Variants in THUMPD2 observed in about 807,000 individuals in gnomAD.
THUMPD2 encodes the protein U6 snRNA (guanine-N(2))-methyltransferase THUMPD2.
A neutral mutation model predicts 49.4 loss-of-function variants in THUMPD2; 56 were observed. That is an observed-to-expected ratio of 1.13 (90% confidence interval 0.91 to 1.41). The LOEUF (loss-of-function observed/expected upper bound fraction) is 1.41, where lower values mean the gene tolerates loss of function less well. Ranked by LOEUF, THUMPD2 falls within the 40% of genes most tolerant of loss-of-function variation. The pLI, the probability that THUMPD2 is intolerant of heterozygous loss-of-function variation, is 0.00. For synonymous variants in THUMPD2, 237 were observed against 205.2 expected (o/e 1.15, Z -1.32); for missense variants, 709 against 594.5 (o/e 1.19, Z -2.00).
chr2:39,756,589 G>C (rs1038893972), intron 6 of THUMPD2, among the ~76,000 whole-genome samples: 5 of 152,126 alleles, frequency 3.3e-5, no homozygotes, highest in African/African-American at 1.2e-4. Flanking sequence ...CAAATGACTG[G>C]AGGGCCCCGT....
intron 6 of THUMPD2, among the ~76,000 whole-genome samples, chr2:39,756,522 T>A (rs917833216): frequency 6.6e-6 from 1 of 151,628 alleles, no homozygotes; most frequent in Non-Finnish European, 1.5e-5. Flanking sequence ...TCGAACTTTT[T>A]AAAATACAAG....
rs111299607 is a variant in THUMPD2 at position 39,737,931 on chromosome 2, G to A, written c.1188-872C>T. 3.8e-3 allele frequency among the ~76,000 whole-genome samples: 582 copies of A among 152,202 alleles called. 3 individuals are homozygous for A. The highest frequency in any genetic ancestry group is 0.013 in the African/African-American group (536 of 41,528). On this transcript the variant is annotated intron_variant, in intron 9 of 9. Coordinates refer to ENST00000505747, the MANE Select transcript of THUMPD2 (RefSeq NM_025264.5). ...GGTGGGAAGTGGAGGGAGGAGGGGA[G>A]TAAGGAGTTCAGCTTGGAACGTGCT... is the stretch of plus-strand genomic sequence containing the variant.
intron 1 of THUMPD2, 105 bp from the exon 2 acceptor site, chr2:39,771,745 C>G (rs1678347632): frequency 1.1e-5 from 13 of 1,179,838 alleles, no homozygotes; most frequent in African/African-American, 3.2e-5. Context: ...ATAACCATTT[C>G]TGAAGTATCT....
chr2:39,738,372 G>A (rs911678682), intron 9 of THUMPD2, among the ~76,000 whole-genome samples: 1 of 152,020 alleles, frequency 6.6e-6, no homozygotes, highest in Non-Finnish European at 1.5e-5. Context: ...AGACCAGCCT[G>A]GGCAACATGG....
Position 39,755,872 on chromosome 2 carries a change from C to A in THUMPD2, c.963+17G>T. 1 of 1,612,416 alleles carries A rather than the reference C, an allele frequency of 6.2e-7. No individual in the cohort carries two copies. The highest frequency in any genetic ancestry group is 1.1e-5 in the South Asian group (1 of 90,976). ...AAAGTAGATAAATTGCTTGCTTTAC[C>A]AAACTTTAGAACTTACTGGCCATTC... On this transcript the variant is annotated intron_variant, in intron 7 of 9. Coordinates refer to ENST00000505747, the MANE Select transcript of THUMPD2 (RefSeq NM_025264.5).
Position 39,744,350 on chromosome 2 carries a change from A to G in THUMPD2, c.1187+20T>C, listed in dbSNP as rs1487745081. The G allele has an allele frequency of 4.7e-6, 7 of 1,477,690 alleles. No individual in the cohort carries two copies. The African/African-American group carries it at 8.7e-5, about 18-fold the overall frequency. The allele number at this position is 1,477,690 out of a possible 1,614,324, so 91.5% of individuals were successfully genotyped here. A position where few individuals can be genotyped will look rare whatever the true frequency, so the allele number is the denominator to read the frequency against. ...TGCCCAGTAGCTAAAAAAATTATGA[A>G]AATAAATTCAACAACTTACCTTTCC... On this transcript the variant is annotated intron_variant, in intron 9 of 9. Transcript: ENST00000505747.
intron 8 of THUMPD2, among the ~76,000 whole-genome samples, chr2:39,748,334 G>A (rs907163144): frequency 4.6e-5 from 7 of 152,208 alleles, no homozygotes; most frequent in Non-Finnish European, 8.8e-5. Flanking sequence ...AAAGTGTACT[G>A]TTATGCAGAA....
chr2:39,761,275 T>C, intron 6 of THUMPD2, 56 bp downstream of exon 6: 3 of 1,466,584 alleles, frequency 2.0e-6, no homozygotes, highest in Non-Finnish European at 1.9e-6. Flanking sequence ...AGAGACTGTA[T>C]AAGTTAATTA....
At chr2:39,755,205 C>G (rs939075764) in intron 8 of THUMPD2, 90 bp downstream of exon 8, 39 of 876,248 alleles carry the variant, frequency 4.5e-5, no homozygotes, top group Non-Finnish European at 4.7e-5. Flanking sequence ...TAAAACCAAC[C>G]TTTACATAGT....
chr2:39,768,343 G>A, intron 4 of THUMPD2, 81 bp downstream of exon 4: 7 of 1,198,890 alleles, frequency 5.8e-6, no homozygotes, highest in South Asian at 2.6e-5. Context: ...AAAATAAAAC[G>A]GAAAAGTATG....
intron 1 of THUMPD2, among the ~76,000 whole-genome samples, chr2:39,772,445 G>T (rs568698161): frequency 1.3e-5 from 2 of 152,294 alleles, no homozygotes; most frequent in South Asian, 4.1e-4. Flanking sequence ...TGTGATGCTA[G>T]AGGGAGAAGT....
intron 2 of THUMPD2, among the ~76,000 whole-genome samples, chr2:39,770,570 A>G (rs1353481866): frequency 6.6e-6 from 1 of 152,164 alleles, no homozygotes; most frequent in African/African-American, 2.4e-5. Context: ...AGCCCACACC[A>G]TATTAATAAG....
At position 39,771,640 on chromosome 2, in the gene THUMPD2, C is replaced by A. The variant is rs780348126; in HGVS notation, c.127G>T (p.Val43Phe). 18 of 1,599,236 alleles carry A rather than the reference C, an allele frequency of 1.1e-5. No homozygotes were observed. The African/African-American group carries it at 1.9e-4, about 17-fold the overall frequency. ...AAAACCTTTCCTGAAATATATTCAA[C>A]CTAGAAATAGAAAAACAGCTTTTAA... ...EVRARLAATQ[V>F]EYISGKVFFT... The change falls in exon 2 of 10, where the codon GTT (valine) becomes TTT (phenylalanine). Residue 43 changes from valine (V) to phenylalanine (F), a missense_variant and splice_region_variant. Coordinates refer to ENST00000505747, the MANE Select transcript of THUMPD2 (RefSeq NM_025264.5).
intron 3 of THUMPD2, 167 bp from the exon 4 acceptor site, chr2:39,768,668 C>T: frequency 2.9e-6 from 2 of 701,538 alleles, no homozygotes; most frequent in Non-Finnish European, 4.7e-6. Flanking sequence ...CTATTCAAGG[C>T]AGTAAGGCTG....
In THUMPD2 at chr2:39,736,748, G is replaced by A; in HGVS notation, c.1499C>T (p.Ser500Phe). ...AFICKYKKSH[S>F]SGL ...GCAGCAAGCCTGCTACAGTCCAGAAGAGTGCGACTTCTTATATTTACATAT... is the reference window on the plus strand; with the variant it reads ...GCAGCAAGCCTGCTACAGTCCAGAAAAGTGCGACTTCTTATATTTACATAT... The change falls in exon 10 of 10, where the codon TCT becomes TTT. Residue 500 changes from serine to phenylalanine, a missense_variant. Physicochemically the swap from Ser to Phe is radical, Grantham distance 155. Coordinates refer to ENST00000505747, the MANE Select transcript of THUMPD2 (RefSeq NM_025264.5). The A allele has an allele frequency of 6.2e-7, 1 of 1,613,720 alleles. No individual in the cohort carries two copies. The highest frequency in any genetic ancestry group is 8.5e-7 in the Non-Finnish European group (1 of 1,179,794).
At chr2:39,758,881 C>T (rs1238764452) in intron 6 of THUMPD2, among the ~76,000 whole-genome samples, 1 of 151,228 alleles carries the variant, frequency 6.6e-6, no homozygotes, top group Non-Finnish European at 1.5e-5. Flanking sequence ...TTACTAATTA[C>T]TGGAGAACAC....
Position 39,736,810 on chromosome 2 carries a change from T to C in THUMPD2, c.1437A>G (p.Glu479=). 1 of 1,614,220 alleles carries C rather than the reference T, an allele frequency of 6.2e-7. No individual in the cohort carries two copies. Among genetic ancestry groups the C allele is most frequent in the East Asian group, 2.2e-5 (1 of 44,888 alleles). ...TCTTTCCAAGGCTAACTTTGTAGCA[T>C]TCCACTGGTACCAAGGAGCCAAATG... ...MSPFGSLVPV[E]CYKVSLGKTD... is the part of the protein sequence containing the mutation. Residue 479 remains glutamate, a synonymous_variant, in exon 10 of 10, where the codon GAA becomes GAG. Coordinates refer to ENST00000505747, the MANE Select transcript of THUMPD2 (RefSeq NM_025264.5).
chr2:39,779,066 A>G, intron 1 of THUMPD2, 48 bp downstream of exon 1: 1 of 1,459,992 alleles, frequency 6.8e-7, no homozygotes, highest in Non-Finnish European at 9.0e-7. Context: ...GCAACAGGGC[A>G]GGGACAGGGC....
chr2:39,776,740 A>G (rs1363569081), intron 1 of THUMPD2, among the ~76,000 whole-genome samples: 1 of 152,132 alleles, frequency 6.6e-6, no homozygotes, highest in African/African-American at 2.4e-5. Context: ...GAAATTCTCC[A>G]TGATAAAAAG....
Sources: gnomAD v4.1 joint callset for allele counts (sites outside exome capture counted in the v4.1 genomes callset) on GRCh38, gnomAD v4.1.1 for gene constraint, MANE v1.5 for transcripts, NCBI Gene and HGNC (gene_info 2026-07-23, HGNC 2026-07-21) for gene names.